CHD7: variants seen among roughly 807,000 people sequenced by gnomAD.
CHD7 encodes chromodomain helicase DNA binding protein 7.
Under a neutral mutation model 307.3 loss-of-function variants are expected in CHD7, and 24 were observed. The ratio of observed to expected loss-of-function variants is 0.08; its 90% CI spans 0.06 to 0.11. The LOEUF (loss-of-function observed/expected upper bound fraction) is 0.11. Ranked by LOEUF, CHD7 falls within the 10% of genes least tolerant of loss-of-function variation. The pLI, the probability that CHD7 is intolerant of heterozygous loss-of-function variation, is 1.00. For missense variants in CHD7, 3,106 were observed against 3,727.1 expected (o/e 0.83, Z 4.34); for synonymous variants, 1,363 against 1,349.9 (o/e 1.01, Z -0.21).
chr8:60,697,757 AATGC>A (rs1174635918), intron 1 of CHD7, among the ~76,000 whole-genome samples: 1 of 152,240 alleles, frequency 6.6e-6, no homozygotes, highest in Non-Finnish European at 1.5e-5. Flanking sequence ...CACTCACCTG[AATGC>A]ATCTGAAATT....
chr8:60,680,136 G>T (rs1277820650), intron 1 of CHD7, among the ~76,000 whole-genome samples: 2 of 151,796 alleles, frequency 1.3e-5, no homozygotes, highest in Admixed American at 6.5e-5. Flanking sequence ...GCGCCGGTGG[G>T]GGGTGGTCAC....
intron 1 of CHD7, among the ~76,000 whole-genome samples, chr8:60,715,610 C>T (rs1345543947): frequency 6.6e-6 from 1 of 152,072 alleles, no homozygotes; most frequent in African/African-American, 2.4e-5. Context: ...TGAGCCACCG[C>T]GCCCAGCCCC....
chr8:60,708,304 A>G (rs757225538), intron 1 of CHD7, among the ~76,000 whole-genome samples: 52 of 152,166 alleles, frequency 3.4e-4, no homozygotes, highest in African/African-American at 1.1e-3. Flanking sequence ...TCGCCATTTC[A>G]TCTCTGACTT....
chr8:60,686,348 TAAAAAA>T (rs10555815), intron 1 of CHD7, among the ~76,000 whole-genome samples: 143 of 148,840 alleles, frequency 9.6e-4, no homozygotes, highest in East Asian at 4.3e-3. Context: ...CAGTTTTTCT[TAAAAAA>T]AAAAAAAAAA....
intron 11 of CHD7, 102 bp from the exon 12 acceptor site, chr8:60,822,401 T>A: frequency 9.0e-7 from 1 of 1,108,018 alleles, no homozygotes; most frequent in Non-Finnish European, 1.3e-6. Context: ...CTAAAGCCTT[T>A]GGGTATGCAT....
chr8:60,789,073 C>T (rs1811643389), intron 3 of CHD7, among the ~76,000 whole-genome samples: 1 of 152,152 alleles, frequency 6.6e-6, no homozygotes, highest in African/African-American at 2.4e-5. Context: ...AAATAGTAGA[C>T]AGGGCTTAAA....
intron 5 of CHD7, 53 bp downstream of exon 5, chr8:60,800,578 A>G (rs1333524808): frequency 8.6e-6 from 5 of 582,008 alleles, no homozygotes; most frequent in Admixed American, 8.4e-5. Context: ...TGGACTAGAA[A>G]TTTCATTGCT....
intron 1 of CHD7, among the ~76,000 whole-genome samples, chr8:60,680,408 GGGC>G: frequency 9.3e-6 from 1 of 108,074 alleles, no homozygotes; most frequent in Admixed American, 8.4e-5. Context: ...CGGGGGGGGG[GGGC>G]GGGGGCGGCG....
At chr8:60,744,645 G>C (rs1809233983) in intron 2 of CHD7, among the ~76,000 whole-genome samples, 2 of 151,844 alleles carry the variant, frequency 1.3e-5, no homozygotes, top group South Asian at 4.2e-4. Flanking sequence ...CTGAGATCAG[G>C]AGTTCAATGC....
intron 1 of CHD7, among the ~76,000 whole-genome samples, chr8:60,687,241 C>T (rs778363635): frequency 1.3e-5 from 2 of 152,022 alleles, no homozygotes; most frequent in South Asian, 2.1e-4. Flanking sequence ...CTTTAGTTTC[C>T]AAGGCAGTGC....
intron 1 of CHD7, among the ~76,000 whole-genome samples, chr8:60,692,115 A>G (rs1806222868): frequency 6.6e-6 from 1 of 152,234 alleles, no homozygotes; most frequent in South Asian, 2.1e-4. Context: ...AGAAAATGGC[A>G]AGGAATATGC....
intron 1 of CHD7, among the ~76,000 whole-genome samples, chr8:60,717,885 T>C (rs1807689123): frequency 6.6e-6 from 1 of 152,230 alleles, no homozygotes; most frequent in South Asian, 2.1e-4. Flanking sequence ...ATAATGACAG[T>C]AAACTGTGTT....
At chr8:60,714,360 G>A (rs1311291818) in intron 1 of CHD7, among the ~76,000 whole-genome samples, 2 of 139,758 alleles carry the variant, frequency 1.4e-5, no homozygotes, top group African/African-American at 5.2e-5. Context: ...TTCCTGACCG[G>A]AAGGCCGAGC....
intron 1 of CHD7, among the ~76,000 whole-genome samples, chr8:60,732,688 C>G (rs1188611442): frequency 5.3e-5 from 8 of 152,108 alleles, no homozygotes; most frequent in African/African-American, 1.7e-4. Context: ...CTGGGCTTTA[C>G]AAAACCCAGG....
intron 7 of CHD7, among the ~76,000 whole-genome samples, chr8:60,811,197 ATTTGTATTCCCT>A (rs1812790693): frequency 2.0e-5 from 3 of 152,054 alleles, no homozygotes; most frequent in African/African-American, 7.2e-5. Flanking sequence ...TTTGGTTTGT[ATTTGTATTCCCT>A]TTTAGCCCCC....
At chr8:60,819,144 G>A (rs928172839) in intron 8 of CHD7, among the ~76,000 whole-genome samples, 5 of 152,106 alleles carry the variant, frequency 3.3e-5, no homozygotes, top group African/African-American at 9.6e-5. Context: ...TAGTAGAGAC[G>A]GGGTTTCACC....
Position 60,845,347 on chromosome 8 carries a change from C to T in CHD7, c.5148C>T (p.Cys1716=), listed in dbSNP as rs907665748. 3.7e-6 allele frequency: 6 copies of T among 1,613,934 alleles called. No homozygotes were observed. The highest frequency in any genetic ancestry group is 2.7e-5 in the African/African-American group (2 of 74,938). ...AGGATGCCGACTGGCTGGCCAGCTG[C>T]AACCCAGATGCCCTGTTCCAGGAGG... The part of the protein sequence containing the change: ...VVQDADWLAS[C]NPDALFQEDS... The change falls in exon 23 of 38, where the codon TGC becomes TGT. Residue 1716 remains cysteine (C), a synonymous_variant. Coordinates refer to ENST00000423902, the MANE Select transcript of CHD7 (RefSeq NM_017780.4).
chr8:60,796,385 G>T (rs866718630), intron 4 of CHD7, among the ~76,000 whole-genome samples: 21 of 152,248 alleles, frequency 1.4e-4, no homozygotes, highest in East Asian at 1.9e-4. Context: ...TGAATCAAGT[G>T]TTTTAATGAT....
rs562136714 is a variant in CHD7 at position 60,714,666 on chromosome 8, C to G, written c.-174-26593C>G. On this transcript the variant is annotated intron_variant, in intron 1 of 37. Transcript: ENST00000423902. ...GCTGCACAGGCCACGCCCTCTGTTC[C>G]GAGCCCTTCTTGCCACCTGCCCTCC... 6.6e-5 allele frequency among the ~76,000 whole-genome samples: 10 copies of G among 152,280 alleles called. No homozygotes were observed. The East Asian group carries it at 1.9e-3, about 29-fold the overall frequency.
Sources: allele counts gnomAD v4.1 joint callset (sites outside exome capture counted in the v4.1 genomes callset), GRCh38; gene constraint gnomAD v4.1.1; transcripts MANE v1.5; gene names NCBI Gene and HGNC (gene_info 2026-07-23, HGNC 2026-07-21).